The following ADAMTS19 variants were observed in gnomAD, a reference collection of about 807,000 sequenced individuals.
ADAMTS19 encodes the protein ADAM metallopeptidase with thrombospondin type 1 motif 19.
Under a neutral mutation model 153.3 loss-of-function variants are expected in ADAMTS19, and 93 were observed. The ratio of observed to expected loss-of-function variants is 0.61; its 90% confidence interval spans 0.51 to 0.72. ADAMTS19 has a LOEUF of 0.72. Ranked by LOEUF, ADAMTS19 falls within the 30% of genes least tolerant of loss-of-function variation. The pLI, the probability that ADAMTS19 is intolerant of heterozygous loss-of-function variation, is 0.00. For synonymous variants in ADAMTS19, 600 were observed against 556.6 expected (o/e 1.08, Z -1.10); for missense variants, 1,482 against 1,552.1 (o/e 0.95, Z 0.76).
rs35764527 is a variant in ADAMTS19, at chr5:129,672,809, T to TAC, written c.2507-6933_2507-6932dup. Among the ~76,000 whole-genome samples, 522 of 150,176 alleles carry TAC rather than the reference T, an allele frequency of 3.5e-3. 4 individuals are homozygous for TAC. Among genetic ancestry groups the TAC allele is most frequent in the South Asian group, 8.6e-3 (41 of 4,748 alleles). The stretch of plus-strand genomic sequence containing the variant: ...TGGTTGGCATGTGCAAGTCCAAATC[T>TAC]ACACACACACACACACACACACAAA... On this transcript the variant is annotated intron_variant, in intron 16 of 22. Transcript: ENST00000274487.
chr5:129,621,714 C>A (rs889163711), intron 9 of ADAMTS19, among the ~76,000 whole-genome samples: 13 of 152,272 alleles, frequency 8.5e-5, no homozygotes, highest in Admixed American at 6.5e-4. Context: ...ACATCAAATA[C>A]CACTTTAAAA....
At chr5:129,602,776 C>G (rs948453148) in intron 8 of ADAMTS19, among the ~76,000 whole-genome samples, 2 of 151,330 alleles carry the variant, frequency 1.3e-5, no homozygotes, top group Admixed American at 1.3e-4. Context: ...CAAGTACTTT[C>G]TCATTCTAAA....
intron 2 of ADAMTS19, among the ~76,000 whole-genome samples, chr5:129,505,247 G>A (rs1232523980): frequency 6.6e-6 from 1 of 152,110 alleles, no homozygotes. Context: ...GAAGAATGAA[G>A]AGAAAACTTC....
At chr5:129,492,439 T>G (rs544494836) in intron 2 of ADAMTS19, among the ~76,000 whole-genome samples, 1 of 152,154 alleles carries the variant, frequency 6.6e-6, no homozygotes, top group East Asian at 1.9e-4. Flanking sequence ...ATTATTAAAC[T>G]TACTGATAAA....
chr5:129,487,724 C>T (rs1188930799), intron 2 of ADAMTS19, among the ~76,000 whole-genome samples: 1 of 151,896 alleles, frequency 6.6e-6, no homozygotes, highest in Non-Finnish European at 1.5e-5. Context: ...CTCTAAATAG[C>T]GTAATATTTT....
chr5:129,601,330 T>C (rs1225396508), intron 8 of ADAMTS19, among the ~76,000 whole-genome samples: 1 of 152,134 alleles, frequency 6.6e-6, no homozygotes, highest in Non-Finnish European at 1.5e-5. Flanking sequence ...ACTTAGTTTT[T>C]CATGAATTTG....
At chr5:129,502,260 A>G (rs577006444) in intron 2 of ADAMTS19, among the ~76,000 whole-genome samples, 1 of 152,242 alleles carries the variant, frequency 6.6e-6, no homozygotes, top group East Asian at 1.9e-4. Context: ...AATTGTGAGC[A>G]ACCTCAGAAA....
At chr5:129,648,412 G>A (rs1753162894) in intron 12 of ADAMTS19, among the ~76,000 whole-genome samples, 1 of 151,964 alleles carries the variant, frequency 6.6e-6, no homozygotes, top group Non-Finnish European at 1.5e-5. Context: ...TTGGTGTAGA[G>A]GTCACATGCA....
At chr5:129,600,015 C>T (rs1038859569) in intron 8 of ADAMTS19, among the ~76,000 whole-genome samples, 3 of 151,906 alleles carry the variant, frequency 2.0e-5, no homozygotes, top group Non-Finnish European at 4.4e-5. Flanking sequence ...TATAAAAAAA[C>T]AAACAGGAAG....
intron 3 of ADAMTS19, among the ~76,000 whole-genome samples, chr5:129,512,425 C>T (rs1751471686): frequency 1.3e-5 from 2 of 152,018 alleles, no homozygotes; most frequent in African/African-American, 2.4e-5. Context: ...TTTATACATG[C>T]ATTTGGATAC....
intron 21 of ADAMTS19, among the ~76,000 whole-genome samples, chr5:129,729,107 T>C (rs1757329799): frequency 1.3e-5 from 2 of 152,080 alleles, no homozygotes; most frequent in Admixed American, 6.6e-5. Flanking sequence ...AATTTAGACC[T>C]GAACCTGCAG....
At chr5:129,654,537 A>G (rs556375619) in intron 14 of ADAMTS19, 104 bp downstream of exon 14, 9 of 1,305,606 alleles carry the variant, frequency 6.9e-6, no homozygotes, top group Non-Finnish European at 9.5e-6. Flanking sequence ...TAGATTCAAA[A>G]GATGTTGCTA....
chr5:129,499,815 A>T (rs1277350492), intron 2 of ADAMTS19, among the ~76,000 whole-genome samples: 1 of 152,128 alleles, frequency 6.6e-6, no homozygotes, highest in East Asian at 1.9e-4. Flanking sequence ...TTTCTTTCTG[A>T]TAACCATTTC....
chr5:129,656,861 A>G (rs771884736), intron 14 of ADAMTS19, among the ~76,000 whole-genome samples: 4 of 152,236 alleles, frequency 2.6e-5, no homozygotes, highest in Non-Finnish European at 4.4e-5. Flanking sequence ...TAGTTGAACT[A>G]TTACTTACTG....
intron 7 of ADAMTS19, among the ~76,000 whole-genome samples, chr5:129,570,708 C>T (rs1229713598): frequency 5.9e-5 from 9 of 151,370 alleles, no homozygotes; most frequent in Non-Finnish European, 8.9e-5. Flanking sequence ...GAGAAATATA[C>T]GAATAACAGA....
At chr5:129,645,807 G>A (rs1173917129) in intron 11 of ADAMTS19, among the ~76,000 whole-genome samples, 2 of 150,980 alleles carry the variant, frequency 1.3e-5, no homozygotes, top group Non-Finnish European at 2.9e-5. Flanking sequence ...TTTTTTCCAT[G>A]AATGGCATAA....
chr5:129,583,944 TG>T (rs1322676853), intron 7 of ADAMTS19, among the ~76,000 whole-genome samples: 2 of 152,094 alleles, frequency 1.3e-5, no homozygotes, highest in Non-Finnish European at 2.9e-5. Flanking sequence ...TGTCCAGTTT[TG>T]TTCCCTTGCT....
intron 6 of ADAMTS19, among the ~76,000 whole-genome samples, chr5:129,536,703 A>G (rs188564345): frequency 0.029 from 4,481 of 152,290 alleles, 83 homozygotes; most frequent in South Asian, 0.062. Flanking sequence ...AAAATGTGGC[A>G]CATATACACA....
At chr5:129,625,601 G>A (rs1490079397) in intron 10 of ADAMTS19, among the ~76,000 whole-genome samples, 1 of 152,142 alleles carries the variant, frequency 6.6e-6, no homozygotes, top group Admixed American at 6.5e-5. Flanking sequence ...CAGTGATAAT[G>A]AGCATTTTTT....
Sources: gnomAD v4.1 joint callset for allele counts (sites outside exome capture counted in the v4.1 genomes callset) on GRCh38, gnomAD v4.1.1 for gene constraint, MANE v1.5 for transcripts, NCBI Gene and HGNC (gene_info 2026-07-23, HGNC 2026-07-21) for gene names.